GRIP1: variants seen among roughly 807,000 people sequenced by gnomAD.
GRIP1 encodes the protein glutamate receptor-interacting protein 1.
Under a neutral mutation model 129.9 loss-of-function variants are expected in GRIP1, and 45 were observed. The ratio of observed to expected loss-of-function variants is 0.35; its 90% CI spans 0.27 to 0.44. GRIP1 has a LOEUF of 0.44. GRIP1 is among the 20% of genes least tolerant of loss of function. GRIP1 has a pLI of 1.00. For missense variants in GRIP1, 1,196 were observed against 1,396.8 expected (o/e 0.86, Z 2.29); for synonymous variants, 530 against 520.8 (o/e 1.02, Z -0.24).
rs1291072379 is a variant in GRIP1, at chr12:66,678,948, T to C, written c.-44A>G. On this transcript the variant is annotated 5_prime_UTR_variant, in exon 1 of 25. Transcript: ENST00000359742. The stretch of plus-strand genomic sequence containing the variant: ...GTGGCAAAGTGTACTCAAGGCTCTC[T>C]GCTCTGGTGGCTGCAGCAGCAGCAG... 1 of 1,612,806 alleles carries C rather than the reference T, an allele frequency of 6.2e-7. No homozygotes were observed. Among genetic ancestry groups the C allele is most frequent in the East Asian group, 2.2e-5 (1 of 44,742 alleles).
chr12:66,688,900 G>A (rs915239438), intron 1 of GRIP1, among the ~76,000 whole-genome samples: 3 of 152,116 alleles, frequency 2.0e-5, no homozygotes, highest in Admixed American at 6.6e-5. Flanking sequence ...GATAAAAGAA[G>A]TCAGGGTTGA....
rs753831676 is a variant in GRIP1, at chr12:66,678,846, A to C, written c.55+4T>G. 1 of 1,612,944 alleles carries C rather than the reference A, an allele frequency of 6.2e-7. No individual in the cohort carries two copies. The highest frequency in any genetic ancestry group is 1.1e-5 in the South Asian group (1 of 91,058). ...CTGAGGGAATAACAAGGAAAGCACG[A>C]TACCTTTAGTAAGTCGCCTCAGAAT... On this transcript the variant is annotated splice_donor_region_variant and intron_variant, in intron 1 of 24. Coordinates refer to ENST00000359742, the MANE Select transcript of GRIP1 (RefSeq NM_001366722.1).
intron 1 of GRIP1, among the ~76,000 whole-genome samples, chr12:66,714,135 T>A (rs186845789): frequency 2.7e-4 from 41 of 152,186 alleles, no homozygotes; most frequent in African/African-American, 8.7e-4. Flanking sequence ...TCTAAACCGA[T>A]GTGAAACGTT....
intron 1 of GRIP1, among the ~76,000 whole-genome samples, chr12:66,729,948 A>G (rs1472448849): frequency 1.3e-5 from 2 of 152,194 alleles, no homozygotes; most frequent in Non-Finnish European, 2.9e-5. Context: ...ATATATCTTA[A>G]GGAAAATTGT....
rs531389303 is a variant in GRIP1, at chr12:66,450,173, A to G, written c.1355-4665T>C. On this transcript the variant is annotated intron_variant, in intron 11 of 24. Transcript: ENST00000359742. The stretch of plus-strand genomic sequence containing the variant: ...AACAAAATTAGCCGGGCGTGGTGGC[A>G]GGCGCCTGTAGTCCCAGCTACTCGG... Among the ~76,000 whole-genome samples, 881 of 151,736 alleles carry G rather than the reference A, an allele frequency of 5.8e-3. 2 individuals are homozygous for G. Among genetic ancestry groups the G allele is most frequent in the African/African-American group, 7.3e-3 (304 of 41,392 alleles).
At chr12:66,445,175 G>C (rs1168382882) in intron 12 of GRIP1, 147 bp downstream of exon 12, 5 of 751,884 alleles carry the variant, frequency 6.6e-6, no homozygotes, top group Admixed American at 4.2e-5. Context: ...ACCTGATCAA[G>C]AACATAAAAT....
intron 9 of GRIP1, 59 bp downstream of exon 9, chr12:66,462,865 T>C: frequency 7.9e-7 from 1 of 1,260,146 alleles, no homozygotes; most frequent in Admixed American, 1.7e-5. Context: ...CTAACTCTGC[T>C]AGAGGGAGCA....
chr12:66,460,413 C>T (rs10878431), intron 9 of GRIP1, among the ~76,000 whole-genome samples: 63,032 of 151,944 alleles, frequency 0.41, 13,966 homozygotes, highest in African/African-American at 0.55. Context: ...TTCCAGGTTG[C>T]CCTGGAGCTC....
chr12:66,355,814 G>A (rs2054462406), intron 23 of GRIP1, among the ~76,000 whole-genome samples: 1 of 152,200 alleles, frequency 6.6e-6, no homozygotes. Context: ...ACATAGTGGG[G>A]TTAGTATTTT....
intron 1 of GRIP1, among the ~76,000 whole-genome samples, chr12:66,978,553 G>C (rs1024368573): frequency 2.0e-5 from 3 of 152,084 alleles, no homozygotes; most frequent in African/African-American, 7.2e-5. Flanking sequence ...TTTTCCCAAG[G>C]AGGAAATGCT....
At chr12:67,055,656 C>A (rs1382422055) in intron 1 of GRIP1, among the ~76,000 whole-genome samples, 4 of 152,146 alleles carry the variant, frequency 2.6e-5, no homozygotes, top group African/African-American at 9.7e-5. Context: ...CAAGAATATA[C>A]AAGTACAAAT....
chr12:66,351,766 G>C (rs575037527), intron 24 of GRIP1, among the ~76,000 whole-genome samples: 89 of 152,250 alleles, frequency 5.8e-4, no homozygotes, highest in Admixed American at 8.5e-4. Context: ...GCTTTGAAGG[G>C]GAGTCCTCTA....
chr12:66,979,833 C>T (rs536890829), intron 1 of GRIP1, among the ~76,000 whole-genome samples: 38 of 152,252 alleles, frequency 2.5e-4, no homozygotes, highest in African/African-American at 8.7e-4. Flanking sequence ...CCAAGGACCA[C>T]CAGGGGTGGA....
chr12:66,879,424 T>TTAAA (rs201894721), intron 1 of GRIP1, among the ~76,000 whole-genome samples: 1,797 of 151,998 alleles, frequency 0.012, 15 homozygotes, highest in Middle Eastern at 0.054. Context: ...CATTTATAGG[T>TTAAA]TAAATAAATA....
chr12:66,390,635 G>T (rs1444259239), intron 19 of GRIP1, among the ~76,000 whole-genome samples: 7 of 152,138 alleles, frequency 4.6e-5, no homozygotes, highest in Non-Finnish European at 1.0e-4. Flanking sequence ...TTACAGGGAA[G>T]AACTAATTAA....
chr12:66,925,898 C>T (rs1262937730), intron 1 of GRIP1, among the ~76,000 whole-genome samples: 1 of 152,210 alleles, frequency 6.6e-6, no homozygotes, highest in African/African-American at 2.4e-5. Flanking sequence ...CCCACCCCGG[C>T]CTTCCAAAGT....
chr12:66,447,543 T>C (rs2058666306), intron 11 of GRIP1, among the ~76,000 whole-genome samples: 2 of 152,220 alleles, frequency 1.3e-5, no homozygotes, highest in African/African-American at 4.8e-5. Context: ...AACAACATTC[T>C]GTTTAGCCTC....
At chr12:66,835,799 GA>G (rs2039602562) in intron 1 of GRIP1, among the ~76,000 whole-genome samples, 1 of 152,160 alleles carries the variant, frequency 6.6e-6, no homozygotes, top group African/African-American at 2.4e-5. Flanking sequence ...CATTTTGCGT[GA>G]TACCCCATTG....
intron 1 of GRIP1, among the ~76,000 whole-genome samples, chr12:66,645,913 C>G (rs1328556539): frequency 6.6e-6 from 1 of 152,178 alleles, no homozygotes; most frequent in Non-Finnish European, 1.5e-5. Context: ...ATGTAAGCGT[C>G]TAGGGCTTCG....
Sources: gnomAD v4.1 joint callset for allele counts (sites outside exome capture counted in the v4.1 genomes callset) on GRCh38, gnomAD v4.1.1 for gene constraint, MANE v1.5 for transcripts, NCBI Gene and HGNC (gene_info 2026-07-23, HGNC 2026-07-21) for gene names.